The following PXDNL variants were observed in gnomAD, a reference collection of about 807,000 sequenced individuals.
The protein encoded by PXDNL is peroxidasin like.
In PXDNL, 145 loss-of-function variants were observed where a neutral mutation model predicts 150.8. The ratio of observed to expected loss-of-function variants is 0.96; its 90% confidence interval spans 0.84 to 1.10. PXDNL has a LOEUF of 1.10. Ranked by LOEUF, PXDNL falls within the 50% of genes least tolerant of loss-of-function variation. The pLI, the probability that PXDNL is intolerant of heterozygous loss-of-function variation, is 0.00. For synonymous variants in PXDNL, 757 were observed against 725.7 expected (o/e 1.04, Z -0.69); for missense variants, 2,087 against 1,873.9 (o/e 1.11, Z -2.10).
chr8:51,503,324 C>A (rs1011056694), intron 4 of PXDNL, among the ~76,000 whole-genome samples: 6 of 152,204 alleles, frequency 3.9e-5, no homozygotes, highest in Non-Finnish European at 7.3e-5. Flanking sequence ...CCAGAGAGTT[C>A]TGTTGATTAT....
intron 1 of PXDNL, among the ~76,000 whole-genome samples, chr8:51,806,645 C>A (rs2037678991): frequency 6.6e-6 from 1 of 152,196 alleles, no homozygotes; most frequent in Non-Finnish European, 1.5e-5. Flanking sequence ...AAGCAACCTA[C>A]AAATATGCAT....
Position 51,809,098 on chromosome 8 carries a change from G to A in PXDNL, c.164+83C>T, listed in dbSNP as rs758795484. 7.7e-4 allele frequency: 1,109 copies of A among 1,439,860 alleles called. 3 individuals carry two copies. Among genetic ancestry groups the A allele is most frequent in the Non-Finnish European group, 7.8e-4 (810 of 1,038,494 alleles). 89.2% of individuals were successfully genotyped at this position (1,439,860 alleles called of 1,614,324 possible). ...ACAAGCAGGGAGAGCATTAGGAATC[G>A]TAAATTAAAAGGACACAGGTCCTAG... is the stretch of plus-strand genomic sequence containing the variant. On this transcript the variant is annotated intron_variant, in intron 1 of 22. Transcript: ENST00000356297.
intron 1 of PXDNL, among the ~76,000 whole-genome samples, chr8:51,680,882 G>A (rs1315895450): frequency 1.3e-5 from 2 of 152,146 alleles, no homozygotes; most frequent in African/African-American, 2.4e-5. Flanking sequence ...AGCAGGAGAT[G>A]GTGCTATTTT....
At chr8:51,610,649 C>G (rs1813981049) in intron 2 of PXDNL, among the ~76,000 whole-genome samples, 2 of 152,170 alleles carry the variant, frequency 1.3e-5, no homozygotes, top group African/African-American at 4.8e-5. Flanking sequence ...TCTGTTGCAT[C>G]CTCTGCTAAG....
chr8:51,774,684 G>A (rs527249686), intron 1 of PXDNL, among the ~76,000 whole-genome samples: 3 of 152,202 alleles, frequency 2.0e-5, no homozygotes, highest in African/African-American at 7.2e-5. Flanking sequence ...CAGGCATGGT[G>A]GTGGGTGCCT....
intron 14 of PXDNL, among the ~76,000 whole-genome samples, chr8:51,415,826 C>T (rs1448491698): frequency 6.6e-6 from 1 of 151,986 alleles, no homozygotes; most frequent in Non-Finnish European, 1.5e-5. Flanking sequence ...ATGATGAAAG[C>T]AGAGTATGGA....
intron 1 of PXDNL, among the ~76,000 whole-genome samples, chr8:51,782,946 A>G (rs909060191): frequency 1.3e-5 from 2 of 152,206 alleles, no homozygotes; most frequent in African/African-American, 4.8e-5. Context: ...AATATTAATA[A>G]AGCAAATTGA....
intron 1 of PXDNL, among the ~76,000 whole-genome samples, chr8:51,786,232 G>C (rs1206432411): frequency 6.6e-6 from 1 of 151,758 alleles, no homozygotes; most frequent in African/African-American, 2.4e-5. Flanking sequence ...TTTTGAGATG[G>C]AGTTTCACTC....
intron 12 of PXDNL, among the ~76,000 whole-genome samples, chr8:51,432,584 T>C (rs1563410011): frequency 6.6e-6 from 1 of 152,246 alleles, no homozygotes; most frequent in Non-Finnish European, 1.5e-5. Context: ...GCACATCTTT[T>C]GTTAGATTTA....
At chr8:51,455,027 T>G (rs1809901001) in intron 9 of PXDNL, among the ~76,000 whole-genome samples, 1 of 91,542 alleles carries the variant, frequency 1.1e-5, no homozygotes, top group Non-Finnish European at 2.0e-5. Context: ...GAGAATGGCG[T>G]GAACCCGGGA....
chr8:51,342,910 C>T (rs538253763), intron 20 of PXDNL, among the ~76,000 whole-genome samples: 1 of 148,764 alleles, frequency 6.7e-6, no homozygotes, highest in African/African-American at 2.5e-5. Flanking sequence ...GGGCCTTGCT[C>T]CTAACCAGTA....
chr8:51,660,798 CAT>C (rs987112884), intron 1 of PXDNL, among the ~76,000 whole-genome samples: 2 of 152,154 alleles, frequency 1.3e-5, no homozygotes, highest in African/African-American at 4.8e-5. Context: ...TATTGGGAAA[CAT>C]GCACTCCTGT....
intron 3 of PXDNL, among the ~76,000 whole-genome samples, chr8:51,577,926 AGAAAGAAAGAAAG>A (rs1813096525): frequency 5.6e-5 from 2 of 35,482 alleles, no homozygotes; most frequent in Non-Finnish European, 1.2e-4. Flanking sequence ...AAGAAAGAAA[AGAAAGAAAGAAAG>A]AAAGAAAGAA....
At chr8:51,794,746 C>A (rs938717407) in intron 1 of PXDNL, among the ~76,000 whole-genome samples, 1 of 152,276 alleles carries the variant, frequency 6.6e-6, no homozygotes, top group Non-Finnish European at 1.5e-5. Context: ...GAAGCAACTA[C>A]ATCAACAAGT....
At chr8:51,392,170 T>G (rs1424670159) in intron 17 of PXDNL, among the ~76,000 whole-genome samples, 4 of 152,122 alleles carry the variant, frequency 2.6e-5, no homozygotes, top group South Asian at 2.1e-4. Context: ...AGTCAGGTAG[T>G]GTGATGCCTC....
intron 2 of PXDNL, among the ~76,000 whole-genome samples, chr8:51,639,251 A>G (rs1814684078): frequency 6.6e-6 from 1 of 152,242 alleles, no homozygotes; most frequent in African/African-American, 2.4e-5. Flanking sequence ...AGAAAGCAAG[A>G]AAGATCTAAA....
At chr8:51,459,739 AAC>A (rs1810025677) in intron 8 of PXDNL, among the ~76,000 whole-genome samples, 1 of 152,228 alleles carries the variant, frequency 6.6e-6, no homozygotes, top group East Asian at 1.9e-4. Context: ...CATATGTAAA[AAC>A]ACAAAGGTTT....
chr8:51,785,929 G>A (rs1393605745), intron 1 of PXDNL, among the ~76,000 whole-genome samples: 5 of 152,206 alleles, frequency 3.3e-5, no homozygotes, highest in Admixed American at 6.5e-5. Context: ...CCTTAGACCA[G>A]AGCAAAGCCC....
chr8:51,722,569 T>A (rs1816751366), intron 1 of PXDNL, among the ~76,000 whole-genome samples: 1 of 152,074 alleles, frequency 6.6e-6, no homozygotes, highest in African/African-American at 2.4e-5. Context: ...AGTGGTGAGG[T>A]GGCTCTCAGA....
Sources: gnomAD v4.1 joint callset for allele counts (sites outside exome capture counted in the v4.1 genomes callset) on GRCh38, gnomAD v4.1.1 for gene constraint, MANE v1.5 for transcripts, NCBI Gene and HGNC (gene_info 2026-07-23, HGNC 2026-07-21) for gene names.